SIK3: variants seen among roughly 807,000 people sequenced by gnomAD.
SIK3 encodes the protein SIK family kinase 3, also known as serine/threonine-protein kinase SIK3.
In SIK3, 28 loss-of-function variants were observed where a neutral mutation model predicts 144.2. The ratio of observed to expected loss-of-function variants is 0.19; its 90% CI spans 0.14 to 0.27. The LOEUF is 0.27. Ranked by LOEUF, SIK3 falls within the 10% of genes least tolerant of loss-of-function variation. SIK3 has a pLI of 1.00. For missense variants in SIK3, 1,319 were observed against 1,776.0 expected (o/e 0.74, Z 4.62); for synonymous variants, 686 against 676.3 (o/e 1.01, Z -0.22).
At chr11:116,863,308 G>A (rs1019904038) in intron 16 of SIK3, among the ~76,000 whole-genome samples, 1 of 152,070 alleles carries the variant, frequency 6.6e-6, no homozygotes, top group Non-Finnish European at 1.5e-5. Context: ...TGGAGTGCAG[G>A]GGTGTGATCT....
At chr11:117,001,512 A>AG (rs1304370965) in intron 1 of SIK3, among the ~76,000 whole-genome samples, 1 of 151,560 alleles carries the variant, frequency 6.6e-6, no homozygotes, top group African/African-American at 2.4e-5. Context: ...TCTCAAAAAA[A>AG]AAAAATTTAA....
chr11:116,900,149 A>G (rs977577307), intron 4 of SIK3, among the ~76,000 whole-genome samples: 1 of 151,948 alleles, frequency 6.6e-6, no homozygotes. Context: ...AACACCTCAA[A>G]CCCACCATTT....
chr11:117,072,823 G>C (rs1016872554), intron 1 of SIK3, among the ~76,000 whole-genome samples: 2 of 152,176 alleles, frequency 1.3e-5, no homozygotes, highest in East Asian at 1.9e-4. Context: ...TCCCTACAAT[G>C]GTGGCTGAAA....
intron 1 of SIK3, chr11:117,035,780 C>T: frequency 1.4e-6 from 2 of 1,388,738 alleles, no homozygotes; most frequent in Non-Finnish European, 1.0e-6. Flanking sequence ...TCCCACTCAT[C>T]TTGATTCAGA....
At chr11:116,910,437 T>C (rs1279886177) in intron 4 of SIK3, among the ~76,000 whole-genome samples, 1 of 152,204 alleles carries the variant, frequency 6.6e-6, no homozygotes, top group Non-Finnish European at 1.5e-5. Context: ...CTATTTTTTT[T>C]CTGATTATAA....
intron 1 of SIK3, among the ~76,000 whole-genome samples, chr11:117,059,016 G>T (rs541439034): frequency 6.6e-6 from 1 of 152,314 alleles, no homozygotes; most frequent in African/African-American, 2.4e-5. Flanking sequence ...CACAAATTGG[G>T]AGACAATGGA....
chr11:117,001,462 C>T (rs1166276011), intron 1 of SIK3, among the ~76,000 whole-genome samples: 2 of 152,032 alleles, frequency 1.3e-5, no homozygotes, highest in African/African-American at 4.8e-5. Context: ...GCTGAGATCG[C>T]CCCACTGCAC....
intron 11 of SIK3, among the ~76,000 whole-genome samples, chr11:116,874,755 C>G (rs1944154365): frequency 6.6e-6 from 1 of 152,180 alleles, no homozygotes; most frequent in Non-Finnish European, 1.5e-5. Flanking sequence ...TTTGACCTCT[C>G]AGGAGAATTC....
Position 116,859,505 on chromosome 11 carries a change from G to A in SIK3, c.2525C>T (p.Thr842Ile). 2 of 1,614,220 alleles carry A rather than the reference G, an allele frequency of 1.2e-6. No homozygotes were observed. The highest frequency in any genetic ancestry group is 1.3e-5 in the African/African-American group (1 of 75,070). ...NCSSPPNVAL[T>I]CLGMQQPAQS... ...AGCAGGCTGCTGCATACCCAAGCAG[G>A]TTAGTGCCACGTTGGGAGGAGAGGA... The change falls in exon 20 of 25, where the codon ACC (threonine) becomes ATC (isoleucine). Residue 842 changes from threonine (T) to isoleucine (I), a missense_variant. Transcript: ENST00000445177.
intron 4 of SIK3, among the ~76,000 whole-genome samples, chr11:116,908,492 CCAAT>C (rs1946170937): frequency 6.6e-6 from 1 of 151,656 alleles, no homozygotes; most frequent in African/African-American, 2.4e-5. Flanking sequence ...AACCAACCAA[CCAAT>C]CAATCATCAA....
At chr11:117,012,243 G>A (rs1487298994) in intron 1 of SIK3, among the ~76,000 whole-genome samples, 2 of 152,014 alleles carry the variant, frequency 1.3e-5, no homozygotes, top group African/African-American at 2.4e-5. Flanking sequence ...CAAAGTGTTG[G>A]GATTATAGGC....
chr11:116,989,031 T>C (rs1027657516), intron 1 of SIK3, among the ~76,000 whole-genome samples: 2 of 151,862 alleles, frequency 1.3e-5, no homozygotes, highest in African/African-American at 4.8e-5. Context: ...AAGACTACAA[T>C]AAGTAAAGGA....
Position 116,849,245 on chromosome 11 carries a change from C to G in SIK3, c.3694G>C (p.Gly1232Arg). The G allele has an allele frequency of 1.9e-6, 3 of 1,614,220 alleles. No homozygotes were observed. The highest frequency in any genetic ancestry group is 2.5e-6 in the Non-Finnish European group (3 of 1,180,032). ...IGNCMDRSSP[G>R]QAVELPDHNG... ...TGATCCGGCAGCTCCACTGCTTGTC[C>G]TGGAGAACTTCTATCCATGCAGTTC... is the stretch of plus-strand genomic sequence containing the variant. Residue 1232 changes from glycine (G) to arginine (R), a missense_variant, in exon 22 of 25, where the codon GGA (glycine) becomes CGA (arginine). Physicochemically the swap from Gly to Arg is moderately radical, Grantham distance 125. Around this residue, in one of 8 missense-constraint regions of SIK3, gnomAD observed 646 missense variants for 763.7 expected, o/e 0.85. Transcript: ENST00000445177. This position sits in a 1 kb window ranked among gnomAD's most constrained non-coding sequence, Gnocchi z 4.2.
chr11:116,898,852 T>C (rs1365978542), intron 4 of SIK3, among the ~76,000 whole-genome samples: 2 of 151,498 alleles, frequency 1.3e-5, no homozygotes, highest in Admixed American at 6.6e-5. Context: ...TTTGAGTTCA[T>C]TGTAGATTCT....
At chr11:117,071,257 T>G (rs533958493) in intron 1 of SIK3, among the ~76,000 whole-genome samples, 1 of 151,712 alleles carries the variant, frequency 6.6e-6, no homozygotes, top group African/African-American at 2.4e-5. Context: ...AAACAAGATA[T>G]TTAAACAATT....
intron 1 of SIK3, among the ~76,000 whole-genome samples, chr11:116,983,226 CAAA>C (rs751603084): frequency 3.5e-5 from 3 of 86,784 alleles, no homozygotes; most frequent in African/African-American, 4.1e-5. Context: ...GACTCTGTCT[CAAA>C]AAAAAAAAAA....
At chr11:116,848,793 T>C (rs968111814) in intron 22 of SIK3, among the ~76,000 whole-genome samples, 4 of 152,096 alleles carry the variant, frequency 2.6e-5, no homozygotes, top group African/African-American at 9.7e-5. Flanking sequence ...TAAAACCCCA[T>C]GCCTACTAAA....
intron 3 of SIK3, among the ~76,000 whole-genome samples, chr11:116,943,770 T>TA (rs1426303205): frequency 6.6e-6 from 1 of 152,132 alleles, no homozygotes; most frequent in Non-Finnish European, 1.5e-5. Context: ...ATCTTGAACT[T>TA]GTCTTTGCTT....
intron 4 of SIK3, among the ~76,000 whole-genome samples, chr11:116,921,044 G>A (rs944046190): frequency 1.3e-5 from 2 of 152,112 alleles, no homozygotes; most frequent in African/African-American, 4.8e-5. Context: ...GCTGTGTTGT[G>A]CCTCGTCAGT....
Sources: allele counts gnomAD v4.1 joint callset (sites outside exome capture counted in the v4.1 genomes callset), GRCh38; gene constraint gnomAD v4.1.1; regional missense constraint gnomAD v4.1.1; non-coding constraint Gnocchi (gnomAD v3.1); transcripts MANE v1.5; gene names NCBI Gene and HGNC (gene_info 2026-07-23, HGNC 2026-07-21).